The following AGBL1 variants were observed in gnomAD, a reference collection of about 807,000 sequenced individuals.
AGBL1 encodes AGBL carboxypeptidase 1.
In AGBL1, 130 loss-of-function variants were observed where a neutral mutation model predicts 118.9. The ratio of observed to expected loss-of-function variants is 1.09; its 90% CI spans 0.95 to 1.26. The LOEUF is 1.26. AGBL1 is among the 50% of genes most tolerant of loss of function. The pLI, the probability that AGBL1 is intolerant of heterozygous loss-of-function variation, is 0.00. For synonymous variants in AGBL1, 555 were observed against 478.9 expected, an observed-to-expected ratio of 1.16 and a Z score of -2.08; for missense variants, 1,584 against 1,298.1, an observed-to-expected ratio of 1.22 and a Z score of -3.38.
intron 18 of AGBL1, among the ~76,000 whole-genome samples, chr15:86,435,668 G>A (rs1002734653): frequency 6.6e-6 from 1 of 152,170 alleles, no homozygotes; most frequent in African/African-American, 2.4e-5. Flanking sequence ...GTATATAGGT[G>A]AAGCAAATGG....
At chr15:86,128,508 C>T (rs866559099) in intron 1 of AGBL1, among the ~76,000 whole-genome samples, 54 of 152,260 alleles carry the variant, frequency 3.5e-4, no homozygotes, top group Middle Eastern at 6.8e-3. Context: ...TCTAACTTAC[C>T]GTATGAGCAA....
intron 1 of AGBL1, among the ~76,000 whole-genome samples, chr15:86,112,366 C>G (rs1400254851): frequency 6.6e-6 from 1 of 152,230 alleles, no homozygotes; most frequent in African/African-American, 2.4e-5. Context: ...AAACAAAAAA[C>G]GACATGCTAC....
chr15:86,223,555 T>C (rs1429235772), intron 5 of AGBL1, among the ~76,000 whole-genome samples: 1 of 152,142 alleles, frequency 6.6e-6, no homozygotes, highest in Non-Finnish European at 1.5e-5. Flanking sequence ...TCAACAACAG[T>C]GGGATTGAAG....
intron 18 of AGBL1, among the ~76,000 whole-genome samples, chr15:86,520,045 G>A (rs2083166782): frequency 6.6e-6 from 1 of 152,248 alleles, no homozygotes; most frequent in Admixed American, 6.5e-5. Context: ...AATGACCACA[G>A]CCTCTTGCCT....
chr15:86,614,924 G>A (rs1330611007), intron 21 of AGBL1, among the ~76,000 whole-genome samples: 4 of 152,218 alleles, frequency 2.6e-5, no homozygotes, highest in African/African-American at 9.6e-5. Flanking sequence ...ACCAAACTGG[G>A]TGTGGAGTTG....
chr15:86,286,735 G>GTGTGTGTGTATATATATATATATATATA, intron 16 of AGBL1, among the ~76,000 whole-genome samples: 1 of 106,250 alleles, frequency 9.4e-6, no homozygotes, highest in African/African-American at 3.9e-5. Context: ...GTTTGTGTGT[G>GTGTGTGTGTATATATATATATATATATA]TATATATATA....
At chr15:86,695,071 T>G (rs1344383911) in intron 22 of AGBL1, among the ~76,000 whole-genome samples, 1 of 151,978 alleles carries the variant, frequency 6.6e-6, no homozygotes, top group Non-Finnish European at 1.5e-5. Context: ...TTGTTATGTC[T>G]TTTCCCGGTT....
At chr15:86,109,393 T>A (rs1304859587) in intron 1 of AGBL1, among the ~76,000 whole-genome samples, 1 of 152,174 alleles carries the variant, frequency 6.6e-6, no homozygotes, top group Non-Finnish European at 1.5e-5. Context: ...AGAAAAATAA[T>A]GTGTTTTAAA....
intron 21 of AGBL1, among the ~76,000 whole-genome samples, chr15:86,587,466 G>T (rs2084267851): frequency 6.6e-6 from 1 of 152,148 alleles, no homozygotes; most frequent in Admixed American, 6.5e-5. Context: ...TGTTAAAAAG[G>T]CTTCATGGAG....
intron 21 of AGBL1, among the ~76,000 whole-genome samples, chr15:86,559,720 G>A (rs528445133): frequency 4.8e-4 from 73 of 152,134 alleles, no homozygotes; most frequent in African/African-American, 1.6e-3. Context: ...TGAGACCACT[G>A]AGACAGAGAA....
At chr15:86,973,564 A>G (rs2081133180) in intron 23 of AGBL1, among the ~76,000 whole-genome samples, 1 of 151,934 alleles carries the variant, frequency 6.6e-6, no homozygotes, top group South Asian at 2.1e-4. Flanking sequence ...TCAATCATCC[A>G]AAAGCATCTC....
At chr15:86,241,052 T>C (rs1347875275) in intron 6 of AGBL1, among the ~76,000 whole-genome samples, 3 of 152,168 alleles carry the variant, frequency 2.0e-5, no homozygotes, top group African/African-American at 7.2e-5. Flanking sequence ...TGGCCTTTTA[T>C]GGCACCTGGT....
intron 22 of AGBL1, among the ~76,000 whole-genome samples, chr15:86,703,963 C>A (rs768652859): frequency 6.6e-6 from 1 of 152,072 alleles, no homozygotes; most frequent in African/African-American, 2.4e-5. Flanking sequence ...TGGAATAGAA[C>A]AGAGACCTCA....
At chr15:86,970,878 A>G (rs1241340514) in intron 23 of AGBL1, among the ~76,000 whole-genome samples, 1 of 152,036 alleles carries the variant, frequency 6.6e-6, no homozygotes, top group Non-Finnish European at 1.5e-5. Flanking sequence ...TGGAAAAAAC[A>G]TAATAAAACA....
At chr15:86,102,604 T>G (rs1896802545) in intron 1 of AGBL1, among the ~76,000 whole-genome samples, 1 of 152,212 alleles carries the variant, frequency 6.6e-6, no homozygotes, top group Non-Finnish European at 1.5e-5. Context: ...TTTTAATATA[T>G]CATCTCATTT....
intron 22 of AGBL1, among the ~76,000 whole-genome samples, chr15:86,789,999 C>G (rs149591553): frequency 6.6e-6 from 1 of 152,130 alleles, no homozygotes; most frequent in Non-Finnish European, 1.5e-5. Context: ...TTTCTCTTAT[C>G]TGATTTCTTA....
At chr15:86,229,481 A>T (rs1332555269) in intron 6 of AGBL1, among the ~76,000 whole-genome samples, 3 of 152,156 alleles carry the variant, frequency 2.0e-5, no homozygotes, top group African/African-American at 7.2e-5. Flanking sequence ...ATTACCTCCC[A>T]CCAGGTCCCT....
At chr15:86,736,089 TAAAG>T (rs1213494038) in intron 22 of AGBL1, among the ~76,000 whole-genome samples, 1 of 152,038 alleles carries the variant, frequency 6.6e-6, no homozygotes, top group East Asian at 1.9e-4. Flanking sequence ...TATGAATAAA[TAAAG>T]TTTATTGGGC....
intron 22 of AGBL1, among the ~76,000 whole-genome samples, chr15:86,777,842 C>T (rs2078280585): frequency 6.6e-6 from 1 of 151,990 alleles, no homozygotes; most frequent in African/African-American, 2.4e-5. Flanking sequence ...AATAGTAAGT[C>T]TTGATTACAG....
Sources: allele counts gnomAD v4.1 joint callset (sites outside exome capture counted in the v4.1 genomes callset), GRCh38; gene constraint gnomAD v4.1.1; transcripts MANE v1.5; gene names NCBI Gene and HGNC (gene_info 2026-07-23, HGNC 2026-07-21).